AGAP1: variants seen among roughly 807,000 people sequenced by gnomAD.
AGAP1 encodes ArfGAP with GTPase domain, ankyrin repeat and PH domain 1.
Under a neutral mutation model 105.3 loss-of-function variants are expected in AGAP1, and 29 were observed. That is an observed-to-expected ratio of 0.28 (90% CI 0.21 to 0.38). The LOEUF is 0.38. Among genes scored for constraint, AGAP1 ranks in the 10% least tolerant of loss-of-function variants. The pLI is 1.00. For missense variants in AGAP1, 998 were observed against 1,165.1 expected (o/e 0.86, Z 2.09); for synonymous variants, 509 against 485.9 (o/e 1.05, Z -0.63).
In AGAP1 at chr2:235,936,068, G is replaced by C. The variant is rs1223913106; in HGVS notation, c.1483+5145G>C. 6.6e-6 allele frequency among the ~76,000 whole-genome samples: 1 copy of C among 152,188 alleles called. No homozygotes were observed. The highest frequency in any genetic ancestry group is 1.5e-5 in the Non-Finnish European group (1 of 68,022). On this transcript the variant is annotated intron_variant, in intron 12 of 17. Transcript: ENST00000304032. This position sits in a 1 kb window ranked among gnomAD's most constrained non-coding sequence, Gnocchi z 4.7. ...TGGCAGCCTCGCTCCCCCAGCCCTG[G>C]ACTGTCAGGTTCTTCTGATAGCTCC...
At position 235,977,415 on chromosome 2, in the gene AGAP1, T is replaced by TA. The variant is rs953793460; in HGVS notation, c.1645+8795dup. 6.6e-6 allele frequency among the ~76,000 whole-genome samples: 1 copy of TA among 152,170 alleles called. No individual in the cohort carries two copies. The highest frequency in any genetic ancestry group is 1.5e-5 in the Non-Finnish European group (1 of 68,030). ...TCAACTTGTGTCTTCCTTACTATTC[T>TA]AAATCCTCATCTACTCTTTCTACTT... On this transcript the variant is annotated intron_variant, in intron 13 of 17. Transcript: ENST00000304032. This position sits in a 1 kb window ranked among gnomAD's most constrained non-coding sequence, Gnocchi z 5.2.
rs1376977189 is a variant in AGAP1, at chr2:235,951,313, A to C, written c.1484-17149A>C. ...AATACTCGATCGATGTCCACAGCACATTCAAATTATCTTTCATGTTACAAA... is the reference window on the plus strand; with the variant it reads ...AATACTCGATCGATGTCCACAGCACCTTCAAATTATCTTTCATGTTACAAA... On this transcript the variant is annotated intron_variant, in intron 12 of 17. Transcript: ENST00000304032. The surrounding 1 kb of genome is among the most constrained non-coding windows in gnomAD (Gnocchi z 4.2). Among the ~76,000 whole-genome samples, 2 of 152,202 alleles carry C rather than the reference A, an allele frequency of 1.3e-5. No individual in the cohort carries two copies. The highest frequency in any genetic ancestry group is 2.9e-5 in the Non-Finnish European group (2 of 68,048).
In AGAP1 at chr2:235,725,064, C is replaced by T. The variant is rs1951579962; in HGVS notation, c.310+7420C>T. 6.6e-6 allele frequency among the ~76,000 whole-genome samples: 1 copy of T among 152,086 alleles called. No individual in the cohort carries two copies. Among genetic ancestry groups the T allele is most frequent in the Non-Finnish European group, 1.5e-5 (1 of 68,026 alleles). ...TGAGGCTGAAGGGTTCTGGGATTTT[C>T]CACTGTGTGTTTGGTTTCTGTTGCT... On this transcript the variant is annotated intron_variant, in intron 3 of 17. Coordinates refer to ENST00000304032, the MANE Select transcript of AGAP1 (RefSeq NM_001037131.3). This position sits in a 1 kb window ranked among gnomAD's most constrained non-coding sequence, Gnocchi z 5.7.
chr2:235,909,905 CAGCTACTTGGG>C (rs1335532696), intron 11 of AGAP1, among the ~76,000 whole-genome samples: 1 of 152,092 alleles, frequency 6.6e-6, no homozygotes, highest in Non-Finnish European at 1.5e-5. Flanking sequence ...CCTGTAATCT[CAGCTACTTGGG>C]AGGCTGAGGC....
chr2:236,085,075 G>A (rs1576268132), intron 16 of AGAP1, among the ~76,000 whole-genome samples: 1 of 151,630 alleles, frequency 6.6e-6, no homozygotes, highest in Non-Finnish European at 1.5e-5. Flanking sequence ...AATTAGCCGG[G>A]TGTGGTGGTG....
chr2:235,685,575 G>A (rs1949335711), intron 1 of AGAP1, among the ~76,000 whole-genome samples: 2 of 151,934 alleles, frequency 1.3e-5, no homozygotes, highest in South Asian at 4.2e-4. Context: ...TGCTCCACGC[G>A]TATACAGGGT....
chr2:235,895,836 A>G (rs868770298), intron 10 of AGAP1, among the ~76,000 whole-genome samples: 1 of 152,212 alleles, frequency 6.6e-6, no homozygotes, highest in African/African-American at 2.4e-5. Flanking sequence ...GGAATCCACC[A>G]TGCAACACTT....
At chr2:235,677,924 A>C (rs1425083107) in intron 1 of AGAP1, among the ~76,000 whole-genome samples, 5 of 50,766 alleles carry the variant, frequency 9.8e-5, no homozygotes, top group African/African-American at 4.9e-4. Context: ...AAAAAAAAAA[A>C]AAAAAAAAAA....
chr2:235,734,952 TGC>T lies in AGAP1; in HGVS notation c.311-6009_311-6008del. 8.0e-6 allele frequency among the ~76,000 whole-genome samples: 1 copy of T among 125,480 alleles called. No individual in the cohort carries two copies. Among genetic ancestry groups the T allele is most frequent in the Middle Eastern group, 4.0e-3 (1 of 252 alleles). The allele number at this position is 125,480 out of a possible 152,430, so 82.3% of individuals were successfully genotyped here. On this transcript the variant is annotated intron_variant, in intron 3 of 17. Transcript: ENST00000304032. The surrounding 1 kb of genome is among the most constrained non-coding windows in gnomAD (Gnocchi z 5.3). ...GGATTTGGGTGTTGCCAGTGATGTT[TGC>T]GTCATAAGATGGGGTGAGGGCTAAC... is the stretch of plus-strand genomic sequence containing the variant.
chr2:235,771,005 G>A (rs1399209891), intron 6 of AGAP1, among the ~76,000 whole-genome samples: 5 of 152,202 alleles, frequency 3.3e-5, no homozygotes. Context: ...AAGGGTCCAC[G>A]TGGAGCAGAG....
In AGAP1 at chr2:235,889,501, T is replaced by C. The variant is rs906556617; in HGVS notation, c.1155+6052T>C. Among the ~76,000 whole-genome samples, 2 of 151,750 alleles carry C rather than the reference T, an allele frequency of 1.3e-5. No individual in the cohort carries two copies. Among genetic ancestry groups the C allele is most frequent in the African/African-American group, 4.8e-5 (2 of 41,310 alleles). On this transcript the variant is annotated intron_variant, in intron 10 of 17. Coordinates refer to ENST00000304032, the MANE Select transcript of AGAP1 (RefSeq NM_001037131.3). This position sits in a 1 kb window ranked among gnomAD's most constrained non-coding sequence, Gnocchi z 4.6. ...CACTTTCCTTCCCACTTAATTGCTT[T>C]GGATTTCTCTTTCCTTTCTCGTCAT...
At chr2:235,571,590 C>T (rs369914116) in intron 1 of AGAP1, among the ~76,000 whole-genome samples, 37 of 152,308 alleles carry the variant, frequency 2.4e-4, no homozygotes, top group African/African-American at 8.2e-4. Flanking sequence ...TGTATCTAAA[C>T]CCATTTCCTT....
At chr2:235,735,278 A>G (rs1428564435) in intron 3 of AGAP1, among the ~76,000 whole-genome samples, 2 of 152,216 alleles carry the variant, frequency 1.3e-5, no homozygotes, top group African/African-American at 2.4e-5. Flanking sequence ...ATCTGTTGCA[A>G]TGTTGACTCC....
chr2:235,679,271 T>G (rs756539341), intron 1 of AGAP1, among the ~76,000 whole-genome samples: 9 of 152,216 alleles, frequency 5.9e-5, no homozygotes, highest in Non-Finnish European at 8.8e-5. Context: ...ATATCTTTGC[T>G]TTACTTTATT....
At position 235,973,113 on chromosome 2, in the gene AGAP1, T is replaced by G. The variant is rs1220284830; in HGVS notation, c.1645+4490T>G. Among the ~76,000 whole-genome samples, 1 of 152,082 alleles carries G rather than the reference T, an allele frequency of 6.6e-6. No homozygotes were observed. Among genetic ancestry groups the G allele is most frequent in the Non-Finnish European group, 1.5e-5 (1 of 67,994 alleles). ...CCTGCTGCTGCAAACCCAGAAACAC[T>G]GTGTCTACACGGGGCTGTCAGGGTG... On this transcript the variant is annotated intron_variant, in intron 13 of 17. Coordinates refer to ENST00000304032, the MANE Select transcript of AGAP1 (RefSeq NM_001037131.3). The surrounding 1 kb of genome is among the most constrained non-coding windows in gnomAD (Gnocchi z 4.7).
intron 16 of AGAP1, among the ~76,000 whole-genome samples, chr2:236,081,573 G>A (rs1025419190): frequency 4.6e-5 from 7 of 151,872 alleles, no homozygotes; most frequent in African/African-American, 1.5e-4. Flanking sequence ...AGCTTTTCCA[G>A]TAGAGACACA....
Position 235,612,719 on chromosome 2 carries a change from G to A in AGAP1, c.164-96460G>A, listed in dbSNP as rs541988146. On this transcript the variant is annotated intron_variant, in intron 1 of 17. Transcript: ENST00000304032. The surrounding 1 kb of genome is among the most constrained non-coding windows in gnomAD (Gnocchi z 4.3). ...CACAGTGGTCCTTTTGCATGGGGTG[G>A]CCGGCCAGGTGTGCTGAGTGCCACC... Among the ~76,000 whole-genome samples the A allele has an allele frequency of 8.9e-4, 134 of 150,980 alleles. No homozygotes were observed. The highest frequency in any genetic ancestry group is 1.6e-4 in the Non-Finnish European group (11 of 67,696).
intron 1 of AGAP1, among the ~76,000 whole-genome samples, chr2:235,607,158 G>A (rs929503361): frequency 6.7e-6 from 1 of 149,764 alleles, no homozygotes; most frequent in Admixed American, 6.6e-5. Flanking sequence ...GTGGGACCAC[G>A]GTGAGTTCGT....
At position 235,845,132 on chromosome 2, in the gene AGAP1, AG is replaced by A. The variant is rs1252154206; in HGVS notation, c.1050+37802del. 6.6e-6 allele frequency among the ~76,000 whole-genome samples: 1 copy of A among 152,186 alleles called. No homozygotes were observed. Among genetic ancestry groups the A allele is most frequent in the African/African-American group, 2.4e-5 (1 of 41,450 alleles). On this transcript the variant is annotated intron_variant, in intron 9 of 17. Transcript: ENST00000304032. The surrounding 1 kb of genome is among the most constrained non-coding windows in gnomAD (Gnocchi z 4.8). ...ATCCTGTTTAGCCGTTCGCTCAAACAGAGAACTGTAGATGGGGCTGAAGCTT... is the reference window on the plus strand; with the variant it reads ...ATCCTGTTTAGCCGTTCGCTCAAACAAGAACTGTAGATGGGGCTGAAGCTT...
Sources: gnomAD v4.1 joint callset for allele counts (sites outside exome capture counted in the v4.1 genomes callset) on GRCh38, gnomAD v4.1.1 for gene constraint, Gnocchi (gnomAD v3.1) non-coding constraint, MANE v1.5 for transcripts, NCBI Gene and HGNC (gene_info 2026-07-23, HGNC 2026-07-21) for gene names.